Variants in ENOX1 observed in about 807,000 individuals in gnomAD.
ENOX1 encodes the protein candidate growth-related and time keeping constitutive hydroquinone (NADH) oxidase.
A neutral mutation model predicts 82.5 loss-of-function variants in ENOX1; 42 were observed. The ratio of observed to expected loss-of-function variants is 0.51; its 90% CI spans 0.40 to 0.66. The LOEUF (loss-of-function observed/expected upper bound fraction) is 0.66. ENOX1 is among the 30% of genes least tolerant of loss of function. The probability of loss-of-function intolerance (pLI) is 0.00; values close to 1 mark genes in which losing one functional copy is unlikely to be tolerated. For missense variants in ENOX1, 608 were observed against 811.6 expected, an observed-to-expected ratio of 0.75 and a Z score of 3.05; for synonymous variants, 271 against 282.2, an observed-to-expected ratio of 0.96 and a Z score of 0.40.
At chr13:43,552,977 T>G (rs1405339392) in intron 2 of ENOX1, among the ~76,000 whole-genome samples, 1 of 151,894 alleles carries the variant, frequency 6.6e-6, no homozygotes. Context: ...TGATAAAAAA[T>G]GGGAGTTTGT....
At chr13:43,574,269 C>A (rs531038187) in intron 2 of ENOX1, among the ~76,000 whole-genome samples, 16 of 152,014 alleles carry the variant, frequency 1.1e-4, no homozygotes, top group Non-Finnish European at 2.2e-4. Flanking sequence ...AACAAGAGGC[C>A]ACGCGAAGGA....
chr13:43,753,729 G>A (rs975763297), intron 1 of ENOX1, among the ~76,000 whole-genome samples: 1 of 152,162 alleles, frequency 6.6e-6, no homozygotes, highest in Non-Finnish European at 1.5e-5. Flanking sequence ...TCAGTCAAGT[G>A]ATATGGGAAA....
intron 5 of ENOX1, among the ~76,000 whole-genome samples, chr13:43,402,431 C>T (rs1657438297): frequency 6.6e-6 from 1 of 152,076 alleles, no homozygotes; most frequent in African/African-American, 2.4e-5. Flanking sequence ...ATTACATATT[C>T]ATTCAACTAT....
At chr13:43,636,280 C>A (rs1302443011) in intron 2 of ENOX1, among the ~76,000 whole-genome samples, 1 of 152,136 alleles carries the variant, frequency 6.6e-6, no homozygotes. Context: ...ACATCACATC[C>A]AATTTCAAAC....
intron 2 of ENOX1, among the ~76,000 whole-genome samples, chr13:43,611,331 A>C (rs894573645): frequency 7.2e-5 from 11 of 152,212 alleles, no homozygotes; most frequent in Non-Finnish European, 1.6e-4. Context: ...GTACATATTT[A>C]AATGTTAAAT....
chr13:43,610,335 T>C (rs966290952), intron 2 of ENOX1, among the ~76,000 whole-genome samples: 3 of 152,226 alleles, frequency 2.0e-5, no homozygotes, highest in Non-Finnish European at 4.4e-5. Context: ...CTGTGTATGC[T>C]TGTACCTGCT....
chr13:43,326,675 AT>A, intron 9 of ENOX1, 150 bp from the exon 10 acceptor site: 2 of 684,974 alleles, frequency 2.9e-6, no homozygotes, highest in East Asian at 2.7e-5. Context: ...TCGTACTTAC[AT>A]TTTAGCAAGG....
chr13:43,445,269 A>G (rs182770019), intron 3 of ENOX1, among the ~76,000 whole-genome samples: 3,023 of 151,152 alleles, frequency 0.02, 80 homozygotes, highest in East Asian at 0.067. Context: ...GACTACAGGC[A>G]CCCACCACCA....
intron 5 of ENOX1, among the ~76,000 whole-genome samples, chr13:43,395,481 C>T (rs1353707803): frequency 6.6e-6 from 1 of 152,156 alleles, no homozygotes; most frequent in Admixed American, 6.5e-5. Flanking sequence ...GCCGAGATTG[C>T]ACCACTGCAC....
At chr13:43,489,104 A>G (rs962121960) in intron 2 of ENOX1, among the ~76,000 whole-genome samples, 1 of 152,198 alleles carries the variant, frequency 6.6e-6, no homozygotes, top group Non-Finnish European at 1.5e-5. Context: ...CAGGTGCTTT[A>G]GAAGAAAGCC....
Position 43,265,409 on chromosome 13 carries a change from C to T in ENOX1, c.1600G>A (p.Glu534Lys). The change falls in exon 14 of 17, where the codon GAG becomes AAG. Residue 534 changes from glutamate to lysine, a missense_variant. Physicochemically the swap from Glu to Lys is moderately conservative, Grantham distance 56. Transcript: ENST00000690772. ...TTTGTGGTACCTACATTTGAATCCTCATGGCTGTGGCCATTGGTCTCGACC... is the reference window on the plus strand; with the variant it reads ...TTTGTGGTACCTACATTTGAATCCTTATGGCTGTGGCCATTGGTCTCGACC... The part of the protein sequence containing the change: ...ELVETNGHSH[E>K]DSNEINVLTV... The T allele has an allele frequency of 6.2e-7, 1 of 1,612,206 alleles. No homozygotes were observed. Among genetic ancestry groups the T allele is most frequent in the Non-Finnish European group, 8.5e-7 (1 of 1,179,080 alleles).
chr13:43,558,377 C>T (rs2079532277), intron 2 of ENOX1, among the ~76,000 whole-genome samples: 1 of 152,156 alleles, frequency 6.6e-6, no homozygotes, highest in African/African-American at 2.4e-5. Context: ...ATTCAAGCAG[C>T]AGTTAATTTG....
rs572591659 is a variant in ENOX1, at chr13:43,641,383, C to T, written c.-219+26096G>A. The stretch of plus-strand genomic sequence containing the variant: ...CATTTGTTAAGAACCTAATCTGAAA[C>T]AGTGCTATCCCTATCTTGAGATACA... On this transcript the variant is annotated intron_variant, in intron 2 of 16. Transcript: ENST00000690772. Among the ~76,000 whole-genome samples the T allele has an allele frequency of 1.1e-4, 16 of 152,224 alleles. No individual in the cohort carries two copies. In the South Asian group the frequency reaches 2.5e-3, roughly 24 times the overall value.
chr13:43,273,992 C>A (rs1180932303), intron 12 of ENOX1, among the ~76,000 whole-genome samples: 1 of 152,118 alleles, frequency 6.6e-6, no homozygotes, highest in African/African-American at 2.4e-5. Context: ...TGGGATTAAA[C>A]CATGATCCAA....
chr13:43,528,740 T>C (rs1169619862), intron 2 of ENOX1, among the ~76,000 whole-genome samples: 2 of 152,096 alleles, frequency 1.3e-5, no homozygotes, highest in Non-Finnish European at 2.9e-5. Context: ...ACGAGAATTT[T>C]AAAGTCTTGT....
chr13:43,616,166 C>CTATATAGATATCTATATATATAGA (rs1566641724), intron 2 of ENOX1, among the ~76,000 whole-genome samples: 4 of 9,262 alleles, frequency 4.3e-4, no homozygotes, highest in African/African-American at 8.5e-4. Flanking sequence ...AGATATCTAT[C>CTATATAGATATCTATATATATAGA]TATCTATCTA....
At chr13:43,407,712 C>A (rs2053882252) in intron 5 of ENOX1, among the ~76,000 whole-genome samples, 1 of 152,066 alleles carries the variant, frequency 6.6e-6, no homozygotes, top group South Asian at 2.1e-4. Context: ...TACGTTTAAC[C>A]CAGAGTTTGC....
chr13:43,381,584 C>T (rs2052050486), intron 5 of ENOX1, among the ~76,000 whole-genome samples: 1 of 150,344 alleles, frequency 6.7e-6, no homozygotes, highest in Non-Finnish European at 1.5e-5. Context: ...ATCAATGAAA[C>T]CAAATGCTAG....
At chr13:43,439,143 G>A (rs931746424) in intron 3 of ENOX1, among the ~76,000 whole-genome samples, 13 of 146,546 alleles carry the variant, frequency 8.9e-5, no homozygotes, top group African/African-American at 2.8e-4. Context: ...CCCACCTCCC[G>A]GGTTCAAGCA....
Sources: allele counts gnomAD v4.1 joint callset (sites outside exome capture counted in the v4.1 genomes callset), GRCh38; gene constraint gnomAD v4.1.1; transcripts MANE v1.5; gene names NCBI Gene and HGNC (gene_info 2026-07-23, HGNC 2026-07-21).